The following TRIM71 variants were observed in gnomAD, a reference collection of about 807,000 sequenced individuals.
TRIM71 encodes the protein tripartite motif containing 71, also known as E3 ubiquitin-protein ligase TRIM71.
A neutral mutation model predicts 61.2 loss-of-function variants in TRIM71; 9 were observed. The observed-to-expected ratio is 0.15, with a 90% confidence interval of 0.09 to 0.26. The LOEUF (loss-of-function observed/expected upper bound fraction) is 0.26. TRIM71 is among the 10% of genes least tolerant of loss of function. TRIM71 has a pLI of 1.00. For synonymous variants in TRIM71, 645 were observed against 553.2 expected (o/e 1.17, Z -2.33); for missense variants, 998 against 1,238.7 (o/e 0.81, Z 2.92).
chr3:32,884,219 G>T (rs1696937095), intron 2 of TRIM71, among the ~76,000 whole-genome samples: 1 of 152,138 alleles, frequency 6.6e-6, no homozygotes, highest in Non-Finnish European at 1.5e-5. Flanking sequence ...CCAAAGTGCT[G>T]GGATTACAGG....
intron 1 of TRIM71, among the ~76,000 whole-genome samples, chr3:32,826,404 C>G (rs1236714535): frequency 6.6e-6 from 1 of 152,100 alleles, no homozygotes; most frequent in Non-Finnish European, 1.5e-5. Context: ...TGCTATTGCA[C>G]TCCAGTCTGG....
intron 1 of TRIM71, among the ~76,000 whole-genome samples, chr3:32,865,835 T>C (rs1305313517): frequency 2.3e-5 from 3 of 130,054 alleles, no homozygotes; most frequent in Admixed American, 7.8e-5. Flanking sequence ...TTTTTTTTTT[T>C]TTTTTTTTAA....
intron 1 of TRIM71, among the ~76,000 whole-genome samples, chr3:32,862,199 C>T (rs1163389923): frequency 6.6e-6 from 1 of 152,082 alleles, no homozygotes; most frequent in African/African-American, 2.4e-5. Context: ...CTAAGTAATG[C>T]AGGGGACAAG....
At chr3:32,844,379 T>C (rs2125679951) in intron 1 of TRIM71, among the ~76,000 whole-genome samples, 1 of 152,330 alleles carries the variant, frequency 6.6e-6, no homozygotes, top group South Asian at 2.1e-4. Flanking sequence ...TTTTACCCAA[T>C]TGTCAGTCAT....
chr3:32,819,704 A>G lies in TRIM71; in HGVS notation c.852+772A>G, dbSNP rs78532586. Among the ~76,000 whole-genome samples the G allele has an allele frequency of 1.2e-3, 186 of 152,166 alleles. 1 individual carries two copies. In the East Asian group the frequency reaches 0.035, roughly 29 times the overall value. On this transcript the variant is annotated intron_variant, in intron 1 of 3. Coordinates refer to ENST00000383763, the MANE Select transcript of TRIM71 (RefSeq NM_001039111.3). The stretch of plus-strand genomic sequence containing the variant: ...TGCACCCCGAGATAGAAGCGGAATA[A>G]AGGGACGACGTTACCTTCACCAGCC...
chr3:32,847,482 A>AC (rs1696489061), intron 1 of TRIM71, among the ~76,000 whole-genome samples: 1 of 152,296 alleles, frequency 6.6e-6, no homozygotes, highest in East Asian at 1.9e-4. Flanking sequence ...GGTGTGAGCC[A>AC]CCGCACCCAG....
intron 1 of TRIM71, among the ~76,000 whole-genome samples, chr3:32,840,746 T>C (rs1696394891): frequency 6.6e-6 from 1 of 151,894 alleles, no homozygotes; most frequent in Non-Finnish European, 1.5e-5. Context: ...GGCTGCCTCC[T>C]GGAATGTTGA....
intron 2 of TRIM71, among the ~76,000 whole-genome samples, chr3:32,883,122 CTCTCTCGCTT>C (rs1436665779): frequency 6.6e-5 from 10 of 152,228 alleles, no homozygotes; most frequent in African/African-American, 2.4e-4. Flanking sequence ...CTCTCTTGCT[CTCTCTCGCTT>C]TCTCTCTTTT....
At chr3:32,880,794 G>T (rs1320625656) in intron 2 of TRIM71, among the ~76,000 whole-genome samples, 1 of 152,082 alleles carries the variant, frequency 6.6e-6, no homozygotes, top group East Asian at 1.9e-4. Context: ...GATTCCACAA[G>T]GTAAACTGAT....
intron 1 of TRIM71, among the ~76,000 whole-genome samples, chr3:32,831,075 G>A (rs1271750048): frequency 6.6e-6 from 1 of 152,214 alleles, no homozygotes; most frequent in Non-Finnish European, 1.5e-5. Context: ...TGGGATTACA[G>A]GCGTGAGCCA....
chr3:32,887,054 C>A (rs1559551367), intron 3 of TRIM71, among the ~76,000 whole-genome samples: 1 of 152,098 alleles, frequency 6.6e-6, no homozygotes, highest in African/African-American at 2.4e-5. Flanking sequence ...CTCAGATGTC[C>A]CCATGGGTCT....
intron 1 of TRIM71, among the ~76,000 whole-genome samples, chr3:32,839,397 A>AT (rs1696376829): frequency 6.6e-6 from 1 of 151,406 alleles, no homozygotes; most frequent in African/African-American, 2.4e-5. Flanking sequence ...CGCCAGGCTA[A>AT]TTTTTGTATT....
chr3:32,886,436 C>T (rs752104812), intron 3 of TRIM71, among the ~76,000 whole-genome samples: 2 of 152,160 alleles, frequency 1.3e-5, no homozygotes, highest in Non-Finnish European at 2.9e-5. Context: ...GTTGCACTTC[C>T]TGACCTCTTG....
chr3:32,827,365 G>GCGATTCTCCTGCCT (rs1444677552), intron 1 of TRIM71, among the ~76,000 whole-genome samples: 2 of 149,588 alleles, frequency 1.3e-5, no homozygotes, highest in Non-Finnish European at 3.0e-5. Flanking sequence ...CTGGGTTCAA[G>GCGATTCTCCTGCCT]CGATTCTCCT....
chr3:32,873,425 T>C (rs1300948573), intron 1 of TRIM71, among the ~76,000 whole-genome samples: 2 of 152,262 alleles, frequency 1.3e-5, no homozygotes, highest in African/African-American at 2.4e-5. Flanking sequence ...GCCACTAATA[T>C]CAGACTAGGT....
At position 32,894,668 on chromosome 3, in the gene TRIM71, C is replaced by T. The variant is rs1305176088; in HGVS notation, c.*2857C>T. On this transcript the variant is annotated 3_prime_UTR_variant, in exon 4 of 4. Coordinates refer to ENST00000383763, the MANE Select transcript of TRIM71 (RefSeq NM_001039111.3). The stretch of plus-strand genomic sequence containing the variant: ...TTTCCTGCCCGTGGTTGACTCCTGA[C>T]CCATAGGGATTGGTGCGAAGCACTT... 2 of 152,308 alleles carry T rather than the reference C, an allele frequency of 1.3e-5. No individual in the cohort carries two copies. Among genetic ancestry groups the T allele is most frequent in the Non-Finnish European group, 1.5e-5 (1 of 68,028 alleles). 9.4% of individuals were successfully genotyped at this position (152,308 alleles called of 1,614,324 possible).
chr3:32,854,769 A>G (rs1248409864), intron 1 of TRIM71, among the ~76,000 whole-genome samples: 22 of 152,208 alleles, frequency 1.4e-4, no homozygotes, highest in Non-Finnish European at 2.9e-5. Context: ...AAATAGAGCT[A>G]TTGCATAAGC....
rs1386839677 is a variant in TRIM71 at position 32,891,028 on chromosome 3, C to T, written c.1824C>T (p.Arg608=). 5.0e-6 allele frequency: 8 copies of T among 1,613,914 alleles called. No individual in the cohort carries two copies. Among genetic ancestry groups the T allele is most frequent in the Non-Finnish European group, 5.9e-6 (7 of 1,180,018 alleles). Reference sequence around the variant, plus strand: ...GTGACAGCGATGGCAAGCTCTGCCGCCCTTGGGGTGTGAGTGTAGACAAGG... The same window carrying T: ...GTGACAGCGATGGCAAGCTCTGCCGTCCTTGGGGTGTGAGTGTAGACAAGG... ...SEGDSDGKLC[R]PWGVSVDKEG... is the part of the protein sequence containing the mutation. Residue 608 remains arginine (R), a synonymous_variant, in exon 4 of 4, where the codon CGC becomes CGT. Transcript: ENST00000383763. The surrounding 1 kb of genome is among the most constrained non-coding windows in gnomAD (Gnocchi z 8.2).
At chr3:32,872,332 C>A (rs1430703911) in intron 1 of TRIM71, among the ~76,000 whole-genome samples, 1 of 151,830 alleles carries the variant, frequency 6.6e-6, no homozygotes, top group Non-Finnish European at 1.5e-5. Context: ...CTCAATTAGC[C>A]CCGAGTGGAG....
Sources: allele counts gnomAD v4.1 joint callset (sites outside exome capture counted in the v4.1 genomes callset), GRCh38; gene constraint gnomAD v4.1.1; non-coding constraint Gnocchi (gnomAD v3.1); transcripts MANE v1.5; gene names NCBI Gene and HGNC (gene_info 2026-07-23, HGNC 2026-07-21).